The following DOCK6 variants were observed in gnomAD, a reference collection of about 807,000 sequenced individuals.
DOCK6 encodes dedicator of cytokinesis 6.
In DOCK6, 167 loss-of-function variants were observed where a neutral mutation model predicts 230.3. The ratio of observed to expected loss-of-function variants is 0.73; its 90% CI spans 0.64 to 0.82. The LOEUF (loss-of-function observed/expected upper bound fraction) is 0.82. Ranked by LOEUF, DOCK6 falls within the 40% of genes least tolerant of loss-of-function variation. The pLI is 0.00. For missense variants in DOCK6, 2,598 were observed against 2,825.8 expected, an observed-to-expected ratio of 0.92 and a Z score of 1.83; for synonymous variants, 1,148 against 1,185.0, an observed-to-expected ratio of 0.97 and a Z score of 0.64.
chr19:11,242,051 C>A lies in DOCK6; in HGVS notation c.1637G>T (p.Ser546Ile). The stretch of plus-strand genomic sequence containing the variant: ...TGGGCCCCAGAGGCCGTACCTGTAG[C>A]TGGTATGGGGGGCATAGACTTCGCG... ...PAREVYAPHT[S>I]YRNLLYVYPH... Residue 546 changes from serine (S) to isoleucine (I), a missense_variant, in exon 14 of 48, where the codon AGC (serine) becomes ATC (isoleucine). By Grantham distance (142) the Ser-to-Ile change is moderately radical (BLOSUM62 -2). Coordinates refer to ENST00000294618, the MANE Select transcript of DOCK6 (RefSeq NM_020812.4). 1 of 1,568,334 alleles carries A rather than the reference C, an allele frequency of 6.4e-7. No homozygotes were observed. Among genetic ancestry groups the A allele is most frequent in the Non-Finnish European group, 8.6e-7 (1 of 1,166,300 alleles).
In DOCK6 at chr19:11,200,534, TG is replaced by T; in HGVS notation, c.5940-66del. The stretch of plus-strand genomic sequence containing the variant: ...ACGGGACTGAAAGCAAGACTAGGGG[TG>T]GGGGCACCCATAAGGCGGGACCAGG... On this transcript the variant is annotated intron_variant, in intron 46 of 47. Transcript: ENST00000294618. The surrounding 1 kb of genome is among the most constrained non-coding windows in gnomAD (Gnocchi z 4.3). The T allele has an allele frequency of 1.9e-6, 3 of 1,571,432 alleles. No individual in the cohort carries two copies. The highest frequency in any genetic ancestry group is 8.6e-7 in the Non-Finnish European group (1 of 1,159,578).
intron 23 of DOCK6, among the ~76,000 whole-genome samples, chr19:11,227,959 C>A (rs2079696000): frequency 1.3e-5 from 2 of 151,236 alleles, no homozygotes; most frequent in South Asian, 4.2e-4. Context: ...CTTCAAATAA[C>A]CTATTGAAGA....
chr19:11,230,590 C>T (rs2079750338), intron 22 of DOCK6, among the ~76,000 whole-genome samples: 4 of 151,426 alleles, frequency 2.6e-5, no homozygotes, highest in South Asian at 2.1e-4. Context: ...AGAGTGTGAC[C>T]GAGTCAGTGA....
chr19:11,214,485 G>A (rs1287480446), intron 33 of DOCK6, 68 bp downstream of exon 33: 2 of 1,613,340 alleles, frequency 1.2e-6, no homozygotes, highest in East Asian at 4.5e-5. Flanking sequence ...GAGGGATTAT[G>A]GAGTCAGAGA....
intron 1 of DOCK6, among the ~76,000 whole-genome samples, chr19:11,257,203 C>T (rs965264445): frequency 6.6e-6 from 1 of 151,030 alleles, no homozygotes; most frequent in Non-Finnish European, 1.5e-5. Context: ...CACTATGTTG[C>T]CTAGTATGGT....
At position 11,201,851 on chromosome 19, in the gene DOCK6, A is replaced by AC; in HGVS notation, c.5688+37dup. The AC allele has an allele frequency of 7.1e-6, 9 of 1,275,840 alleles. No individual in the cohort carries two copies. The South Asian group carries it at 7.5e-5, about 11-fold the overall frequency. 79.0% of individuals were successfully genotyped at this position (1,275,840 alleles called of 1,614,324 possible). Reference sequence around the variant, plus strand: ...CCCTCCCAGGGTCTGATGTCCCCTCACCTCCCCACCCCCGCCAGGCCCAGG... The same window carrying AC: ...CCCTCCCAGGGTCTGATGTCCCCTCACCCTCCCCACCCCCGCCAGGCCCAGG... On this transcript the variant is annotated intron_variant, in intron 44 of 47. Coordinates refer to ENST00000294618, the MANE Select transcript of DOCK6 (RefSeq NM_020812.4). This position sits in a 1 kb window ranked among gnomAD's most constrained non-coding sequence, Gnocchi z 4.3.
At chr19:11,252,745 T>A in intron 3 of DOCK6, 38 bp downstream of exon 3, 2 of 1,594,672 alleles carry the variant, frequency 1.3e-6, no homozygotes. Context: ...AGAGACAGAG[T>A]GGAATCACAG....
chr19:11,223,161 G>T, intron 24 of DOCK6, 55 bp from the exon 25 acceptor site: 2 of 1,543,520 alleles, frequency 1.3e-6, no homozygotes, highest in South Asian at 2.3e-5. Flanking sequence ...CCCGACAGGG[G>T]CTTGGCTCTC....
intron 37 of DOCK6, among the ~76,000 whole-genome samples, chr19:11,210,708 C>T (rs1465305219): frequency 6.6e-6 from 1 of 151,066 alleles, no homozygotes; most frequent in African/African-American, 2.4e-5. Context: ...CTACCCCTCA[C>T]CTGTCCATCC....
intron 28 of DOCK6, 87 bp downstream of exon 28, chr19:11,221,764 G>T: frequency 6.3e-7 from 1 of 1,589,546 alleles, no homozygotes; most frequent in South Asian, 1.1e-5. Flanking sequence ...TCATACCAGT[G>T]ACTGTGTTCT....
rs550315483 is a variant in DOCK6, at chr19:11,248,728, G to A, written c.721-577C>T. 2.0e-4 allele frequency among the ~76,000 whole-genome samples: 31 copies of A among 152,284 alleles called. No homozygotes were observed. The South Asian group carries it at 6.2e-3, about 31-fold the overall frequency. ...TGGCACTACTCTGTCTGGGTTATAC[G>A]TTCCTAGTAGAGAGGTCTCTCCTCC... On this transcript the variant is annotated intron_variant, in intron 6 of 47. Coordinates refer to ENST00000294618, the MANE Select transcript of DOCK6 (RefSeq NM_020812.4).
chr19:11,201,850 C>A lies in DOCK6; in HGVS notation c.5688+39G>T. ...CCCCTCCCAGGGTCTGATGTCCCCT[C>A]ACCTCCCCACCCCCGCCAGGCCCAG... On this transcript the variant is annotated intron_variant, in intron 44 of 47. Transcript: ENST00000294618. The surrounding 1 kb of genome is among the most constrained non-coding windows in gnomAD (Gnocchi z 4.3). The A allele has an allele frequency of 3.5e-6, 5 of 1,414,994 alleles. No individual in the cohort carries two copies. The highest frequency in any genetic ancestry group is 1.2e-5 in the South Asian group (1 of 80,188). The allele number at this position is 1,414,994 out of a possible 1,614,324, so 87.7% of individuals were successfully genotyped here.
chr19:11,241,700 G>A (rs1174067854), intron 14 of DOCK6: 1 of 1,580,554 alleles, frequency 6.3e-7, no homozygotes, highest in South Asian at 1.2e-5. Flanking sequence ...CTGCCTGGAT[G>A]GAACTGAGGA....
At chr19:11,245,526 C>G in intron 9 of DOCK6, 37 bp downstream of exon 9, 1 of 1,530,162 alleles carries the variant, frequency 6.5e-7, no homozygotes, top group Non-Finnish European at 8.9e-7. Flanking sequence ...CAGTGACATT[C>G]GCCATTACCA....
chr19:11,245,620 G>A lies in DOCK6; in HGVS notation c.966C>T (p.Ala322=), dbSNP rs767055963. Residue 322 remains alanine (A), a synonymous_variant, in exon 9 of 48, where the codon GCC becomes GCT. Transcript: ENST00000294618. ...AGGTCACAGAGAAGATGGCAGAGCG[G>A]GCCAGGGTGGAGATGGCAGGGTGGG... ...HGTHPAISTL[A]RSAIFSVTYP... 2.5e-6 allele frequency: 4 copies of A among 1,594,062 alleles called. No individual in the cohort carries two copies. Among genetic ancestry groups the A allele is most frequent in the South Asian group, 1.1e-5 (1 of 87,986 alleles).
intron 1 of DOCK6, 165 bp from the exon 2 acceptor site, chr19:11,253,891 C>T (rs928375986): frequency 2.2e-5 from 12 of 541,156 alleles, no homozygotes; most frequent in Non-Finnish European, 3.5e-5. Context: ...CCCCAGTTCC[C>T]CCAACGCGTT....
At chr19:11,216,072 G>T in intron 30 of DOCK6, 145 bp from the exon 31 acceptor site, 1 of 1,058,916 alleles carries the variant, frequency 9.4e-7, no homozygotes. Context: ...TAAATTCTTA[G>T]CACTTACCAA....
chr19:11,259,035 C>T (rs1054408847), intron 1 of DOCK6, among the ~76,000 whole-genome samples: 4 of 151,982 alleles, frequency 2.6e-5, no homozygotes, highest in African/African-American at 9.7e-5. Context: ...AGGCATGAGC[C>T]ACCATACCCA....
chr19:11,232,366 G>A (rs2079779076), intron 22 of DOCK6: 1 of 1,155,074 alleles, frequency 8.7e-7, no homozygotes, highest in Admixed American at 2.4e-5. Context: ...GCGTGGACAT[G>A]GTTCTGGACC....
Sources: gnomAD v4.1 joint callset for allele counts (sites outside exome capture counted in the v4.1 genomes callset) on GRCh38, gnomAD v4.1.1 for gene constraint, Gnocchi (gnomAD v3.1) non-coding constraint, MANE v1.5 for transcripts, NCBI Gene and HGNC (gene_info 2026-07-23, HGNC 2026-07-21) for gene names.